OSBPL10: variants seen among roughly 807,000 people sequenced by gnomAD.
The protein encoded by OSBPL10 is oxysterol binding protein like 10, also known as oxysterol-binding protein-related protein 10.
A neutral mutation model predicts 81.7 loss-of-function variants in OSBPL10; 49 were observed. The observed-to-expected ratio is 0.60, with a 90% CI of 0.48 to 0.76. OSBPL10 has a LOEUF of 0.76. OSBPL10 is among the 30% of genes least tolerant of loss of function. OSBPL10 has a pLI of 0.00. For synonymous variants in OSBPL10, 419 were observed against 383.6 expected (o/e 1.09, Z -1.08); for missense variants, 923 against 987.8 (o/e 0.93, Z 0.88).
chr3:31,825,614 G>A (rs1301274776), intron 4 of OSBPL10, among the ~76,000 whole-genome samples: 1 of 152,118 alleles, frequency 6.6e-6, no homozygotes, highest in African/African-American at 2.4e-5. Context: ...ACTGCACCCA[G>A]CCCCATAAGA....
chr3:31,878,243 T>C (rs866771295), intron 2 of OSBPL10, among the ~76,000 whole-genome samples: 1 of 152,218 alleles, frequency 6.6e-6, no homozygotes, highest in Non-Finnish European at 1.5e-5. Flanking sequence ...GTCAAATTAG[T>C]TGGATATTTC....
chr3:32,012,269 G>A (rs1007405708), intron 2 of OSBPL10, among the ~76,000 whole-genome samples: 2 of 152,216 alleles, frequency 1.3e-5, no homozygotes, highest in African/African-American at 2.4e-5. Context: ...CAAGCCAGAA[G>A]AGAGTGGGGG....
At chr3:31,787,678 C>G (rs1698894346) in intron 4 of OSBPL10, among the ~76,000 whole-genome samples, 1 of 152,110 alleles carries the variant, frequency 6.6e-6, no homozygotes, top group Non-Finnish European at 1.5e-5. Context: ...CCACACCAAC[C>G]CTGTTGATCA....
chr3:31,860,010 G>A (rs745353454), intron 3 of OSBPL10, among the ~76,000 whole-genome samples: 2 of 152,138 alleles, frequency 1.3e-5, no homozygotes, highest in African/African-American at 4.8e-5. Context: ...GGCATGGAGA[G>A]TATCTTAAGA....
intron 3 of OSBPL10, among the ~76,000 whole-genome samples, chr3:31,848,662 ACCT>A (rs909862819): frequency 9.2e-5 from 14 of 151,900 alleles, no homozygotes; most frequent in Non-Finnish European, 2.1e-4. Context: ...CCCTGCTCTG[ACCT>A]CCTGCTCAGG....
At chr3:31,927,998 T>C (rs1485650382) in intron 1 of OSBPL10, among the ~76,000 whole-genome samples, 1 of 152,054 alleles carries the variant, frequency 6.6e-6, no homozygotes, top group Admixed American at 6.5e-5. Flanking sequence ...ATAGGTTGCA[T>C]GGAGAGAATG....
intron 6 of OSBPL10, chr3:31,711,036 GATCT>G (rs1297153687): frequency 6.6e-6 from 1 of 152,198 alleles, no homozygotes; most frequent in Non-Finnish European, 1.5e-5. Context: ...GGAGTACATG[GATCT>G]TTCTTTCTCC....
rs5847723 is a variant in OSBPL10 at position 31,874,112 on chromosome 3, CTTTTT to C, written c.537+2316_537+2320del. Among the ~76,000 whole-genome samples, 6 of 144,766 alleles carry C rather than the reference CTTTTT, an allele frequency of 4.1e-5. No individual in the cohort carries two copies. In the East Asian group the frequency reaches 1.2e-3, roughly 29 times the overall value. 95.0% of individuals were successfully genotyped at this position (144,766 alleles called of 152,430 possible). On this transcript the variant is annotated intron_variant, in intron 3 of 11. Coordinates refer to ENST00000396556, the MANE Select transcript of OSBPL10 (RefSeq NM_017784.5). ...CTCTGCTTCCAAGAATCTTCAAATTCTTTTTTTTTTTTTAACTACCATTAGGAAGG... is the reference window on the plus strand; with the variant it reads ...CTCTGCTTCCAAGAATCTTCAAATTCTTTTTTTTAACTACCATTAGGAAGG...
intron 6 of OSBPL10, among the ~76,000 whole-genome samples, chr3:31,723,235 G>C (rs1261544580): frequency 2.0e-5 from 3 of 152,140 alleles, no homozygotes; most frequent in Non-Finnish European, 4.4e-5. Flanking sequence ...AGATTGGGAG[G>C]GACAGGAGCA....
chr3:32,076,204 C>A (rs921451898), intron 1 of OSBPL10, among the ~76,000 whole-genome samples: 1 of 152,076 alleles, frequency 6.6e-6, no homozygotes, highest in Admixed American at 6.5e-5. Flanking sequence ...CCCGTCTCTA[C>A]TAAAAATTCA....
At chr3:31,903,335 T>TTG (rs1270282761) in intron 1 of OSBPL10, among the ~76,000 whole-genome samples, 4 of 150,638 alleles carry the variant, frequency 2.7e-5, no homozygotes, top group Non-Finnish European at 5.9e-5. Flanking sequence ...TTTAGGTTTT[T>TTG]TTTTTTTTTT....
intron 1 of OSBPL10, among the ~76,000 whole-genome samples, chr3:31,893,568 A>G (rs1695964110): frequency 6.6e-6 from 1 of 152,228 alleles, no homozygotes; most frequent in African/African-American, 2.4e-5. Flanking sequence ...GTCTACACCA[A>G]AGACTTACAT....
At chr3:32,037,689 C>G (rs772682218) in intron 2 of OSBPL10, 14 of 170,954 alleles carry the variant, frequency 8.2e-5, no homozygotes, top group Non-Finnish European at 1.0e-4. Flanking sequence ...AAAGAGAATC[C>G]ACTAGGCACC....
rs77374943 is a variant in OSBPL10, at chr3:31,833,285, C to T, written c.538-3054G>A. On this transcript the variant is annotated intron_variant, in intron 3 of 11. Transcript: ENST00000396556. ...CTTCATACACACACCTCTATCCCCC[C>T]ACTCCTCCCCTACCAAACCCCTGCT... is the stretch of plus-strand genomic sequence containing the variant. Among the ~76,000 whole-genome samples, 959 of 152,256 alleles carry T rather than the reference C, an allele frequency of 6.3e-3. 13 individuals are homozygous for T. Among genetic ancestry groups the T allele is most frequent in the African/African-American group, 0.022 (930 of 41,530 alleles).
At chr3:31,873,022 C>G (rs1340138713) in intron 3 of OSBPL10, among the ~76,000 whole-genome samples, 2 of 152,092 alleles carry the variant, frequency 1.3e-5, no homozygotes, top group African/African-American at 4.8e-5. Context: ...AATAGGAAAC[C>G]AATCAGCAGT....
intron 1 of OSBPL10, among the ~76,000 whole-genome samples, chr3:32,060,508 C>T (rs1699747842): frequency 6.6e-6 from 1 of 152,196 alleles, no homozygotes; most frequent in Non-Finnish European, 1.5e-5. Flanking sequence ...CACTGCTTTC[C>T]ACTTCTAACC....
chr3:31,677,304 C>T (rs7644527), intron 8 of OSBPL10, among the ~76,000 whole-genome samples: 75,573 of 151,884 alleles, frequency 0.5, 21,073 homozygotes, highest in African/African-American at 0.75. Flanking sequence ...TGCATTACAG[C>T]GGACACATTT....
chr3:31,814,805 G>A (rs1298108077), intron 4 of OSBPL10, among the ~76,000 whole-genome samples: 1 of 152,210 alleles, frequency 6.6e-6, no homozygotes, highest in African/African-American at 2.4e-5. Flanking sequence ...AAAGGATTCA[G>A]AAAGGGATAT....
At chr3:31,977,989 G>A (rs1168538272) in intron 1 of OSBPL10, among the ~76,000 whole-genome samples, 1 of 152,128 alleles carries the variant, frequency 6.6e-6, no homozygotes, top group East Asian at 1.9e-4. Context: ...TTTATTTTGT[G>A]TTCTGGCCCA....
Sources: gnomAD v4.1 joint callset for allele counts (sites outside exome capture counted in the v4.1 genomes callset) on GRCh38, gnomAD v4.1.1 for gene constraint, MANE v1.5 for transcripts, NCBI Gene and HGNC (gene_info 2026-07-23, HGNC 2026-07-21) for gene names.